Variants in OR9Q1 observed in about 807,000 individuals in gnomAD.
The protein encoded by OR9Q1 is olfactory receptor family 9 subfamily Q member 1.
For synonymous variants in OR9Q1, 153 were observed against 148.6 expected (o/e 1.03, Z -0.22); for missense variants, 374 against 378.8 (o/e 0.99, Z 0.11).
intron 1 of OR9Q1, chr11:58,045,071 A>C (rs1296253546): frequency 6.6e-6 from 1 of 152,222 alleles, no homozygotes; most frequent in Non-Finnish European, 1.5e-5. Flanking sequence ...GGTATATGAA[A>C]CATAAATGAA....
chr11:58,036,639 G>T (rs1853103228), intron 1 of OR9Q1, among the ~76,000 whole-genome samples: 1 of 152,274 alleles, frequency 6.6e-6, no homozygotes, highest in East Asian at 1.9e-4. Flanking sequence ...TCAGGAGTTT[G>T]GAATAAGTTG....
At chr11:58,074,873 C>T (rs1160075427) in intron 2 of OR9Q1, among the ~76,000 whole-genome samples, 2 of 152,096 alleles carry the variant, frequency 1.3e-5, no homozygotes, top group Admixed American at 6.6e-5. Flanking sequence ...ATCCTTTCTC[C>T]ATTTCTTGTT....
At chr11:58,179,349 C>T (rs1854636976) in intron 2 of OR9Q1, 82 bp from the exon 3 acceptor site, 1 of 895,178 alleles carries the variant, frequency 1.1e-6, no homozygotes, top group African/African-American at 1.7e-5. Context: ...GTCCACAGTA[C>T]ATTTTCAATA....
In OR9Q1 at chr11:58,104,660, T is replaced by G. The variant is rs539216947; in HGVS notation, c.-15+48713T>G. ...GTATTGCTTAGCCAATGCAACACTT[T>G]TCTTTTATCTTTGATGGGCTCCTTT... On this transcript the variant is annotated intron_variant, in intron 2 of 2. Coordinates refer to ENST00000335397, the MANE Select transcript of OR9Q1 (RefSeq NM_001005212.4). 2.0e-5 allele frequency among the ~76,000 whole-genome samples: 3 copies of G among 152,314 alleles called. No individual in the cohort carries two copies. In the South Asian group the frequency reaches 6.2e-4, roughly 32 times the overall value.
At chr11:58,107,300 C>T (rs956299150) in intron 2 of OR9Q1, among the ~76,000 whole-genome samples, 1 of 152,192 alleles carries the variant, frequency 6.6e-6, no homozygotes, top group East Asian at 1.9e-4. Flanking sequence ...GTGTGATGTT[C>T]CCCACATTGT....
intron 2 of OR9Q1, among the ~76,000 whole-genome samples, chr11:58,110,607 AT>A (rs1380691374): frequency 6.6e-6 from 1 of 152,222 alleles, no homozygotes; most frequent in African/African-American, 2.4e-5. Flanking sequence ...CAAAGAATAA[AT>A]TGCAAGTGCT....
intron 2 of OR9Q1, among the ~76,000 whole-genome samples, chr11:58,157,143 A>G (rs535801289): frequency 6.6e-6 from 1 of 152,196 alleles, no homozygotes; most frequent in South Asian, 2.1e-4. Flanking sequence ...CCCTGGCTTA[A>G]AGGCTCCTTC....
At chr11:58,081,985 T>G (rs1441409390) in intron 2 of OR9Q1, among the ~76,000 whole-genome samples, 2 of 152,146 alleles carry the variant, frequency 1.3e-5, no homozygotes, top group Non-Finnish European at 2.9e-5. Context: ...CTTCTTCATT[T>G]ATGCAGCCAA....
chr11:58,039,910 C>A (rs1853144535), intron 1 of OR9Q1, among the ~76,000 whole-genome samples: 1 of 152,166 alleles, frequency 6.6e-6, no homozygotes, highest in African/African-American at 2.4e-5. Flanking sequence ...ATTTATTTAA[C>A]AAATGCTTGT....
At chr11:58,113,268 G>A (rs907114555) in intron 2 of OR9Q1, among the ~76,000 whole-genome samples, 1 of 152,178 alleles carries the variant, frequency 6.6e-6, no homozygotes, top group Non-Finnish European at 1.5e-5. Flanking sequence ...GAAGTCCAGA[G>A]AAGTGACTTT....
At chr11:58,139,346 A>G (rs1279074001) in intron 2 of OR9Q1, among the ~76,000 whole-genome samples, 4 of 151,312 alleles carry the variant, frequency 2.6e-5, no homozygotes, top group East Asian at 1.9e-4. Context: ...GGTTTGTTAC[A>G]TAGGTATACA....
In OR9Q1 at chr11:58,179,897, TG is replaced by T. The variant is rs1854645718; in HGVS notation, c.455del (p.Gly152ValfsTer34). 1 of 1,614,068 alleles carries T rather than the reference TG, an allele frequency of 6.2e-7. No homozygotes were observed. ...GTCTTGTGGCTGGGGCTTACGTTGC[TG>T]GTCTCATCAGTGCCTTGGTGCGGAC... is the stretch of plus-strand genomic sequence containing the variant. Reference protein sequence around the residue: ...LSLVAGAYVAGLISALVRTVS... With the variant: ...LSLVAGAYVAXLISALVRTVS... On this transcript the variant is annotated frameshift_variant, in exon 3 of 3. Transcript: ENST00000335397. LOFTEE classifies it high-confidence loss of function.
chr11:58,164,713 A>G (rs1051456803), intron 2 of OR9Q1, among the ~76,000 whole-genome samples: 1 of 152,180 alleles, frequency 6.6e-6, no homozygotes, highest in Non-Finnish European at 1.5e-5. Flanking sequence ...GAATTTTGCC[A>G]TGGCTGCTCT....
chr11:58,131,795 C>G (rs188771990), intron 2 of OR9Q1, among the ~76,000 whole-genome samples: 1 of 152,094 alleles, frequency 6.6e-6, no homozygotes, highest in African/African-American at 2.4e-5. Flanking sequence ...AGTCTCAATA[C>G]TTTTCAGGGT....
intron 2 of OR9Q1, among the ~76,000 whole-genome samples, chr11:58,147,655 G>C (rs769768429): frequency 1.3e-5 from 2 of 152,132 alleles, no homozygotes; most frequent in African/African-American, 4.8e-5. Context: ...TATGCACCAA[G>C]TGGATAAAAA....
At chr11:58,075,415 C>T (rs932027494) in intron 2 of OR9Q1, 2 of 152,212 alleles carry the variant, frequency 1.3e-5, no homozygotes, top group African/African-American at 4.8e-5. Flanking sequence ...GAGCAGCAGA[C>T]ACCTGTTTAG....
chr11:58,115,836 A>G (rs886144842), intron 2 of OR9Q1, among the ~76,000 whole-genome samples: 3 of 152,204 alleles, frequency 2.0e-5, no homozygotes, highest in African/African-American at 7.2e-5. Flanking sequence ...GGCAATTGCT[A>G]TCAGACAAAG....
At chr11:58,156,129 T>C (rs1241568835) in intron 2 of OR9Q1, among the ~76,000 whole-genome samples, 4 of 152,160 alleles carry the variant, frequency 2.6e-5, no homozygotes, top group Non-Finnish European at 4.4e-5. Context: ...GCCAGACCAG[T>C]TTTGAACTGC....
intron 2 of OR9Q1, among the ~76,000 whole-genome samples, chr11:58,134,629 T>C (rs1319533112): frequency 1.3e-5 from 2 of 152,178 alleles, no homozygotes; most frequent in African/African-American, 4.8e-5. Context: ...AGACTTTATA[T>C]GCCCTTCTAG....
Sources: gnomAD v4.1 joint callset for allele counts (sites outside exome capture counted in the v4.1 genomes callset) on GRCh38, gnomAD v4.1.1 for gene constraint, MANE v1.5 for transcripts, NCBI Gene and HGNC (gene_info 2026-07-23, HGNC 2026-07-21) for gene names.